ANKFN1: variants seen among roughly 807,000 people sequenced by gnomAD.
The protein encoded by ANKFN1 is ankyrin repeat and fibronectin type III domain containing 1.
A neutral mutation model predicts 108.7 loss-of-function variants in ANKFN1; 74 were observed. The observed-to-expected ratio is 0.68, with a 90% CI of 0.56 to 0.83. ANKFN1 has a LOEUF of 0.83. Among genes scored for constraint, ANKFN1 ranks in the 40% least tolerant of loss-of-function variants. The pLI, the probability that ANKFN1 is intolerant of heterozygous loss-of-function variation, is 0.00. For missense variants in ANKFN1, 1,505 were observed against 1,382.3 expected (o/e 1.09, Z -1.41); for synonymous variants, 547 against 516.2 (o/e 1.06, Z -0.81).
intron 11 of ANKFN1, among the ~76,000 whole-genome samples, chr17:56,451,836 C>G (rs2081226410): frequency 6.6e-6 from 1 of 152,190 alleles, no homozygotes; most frequent in African/African-American, 2.4e-5. Flanking sequence ...GGTGACTGTA[C>G]TGTAATGACC....
At chr17:56,468,379 T>A (rs2050204221) in intron 15 of ANKFN1, among the ~76,000 whole-genome samples, 1 of 152,114 alleles carries the variant, frequency 6.6e-6, no homozygotes, top group Non-Finnish European at 1.5e-5. Context: ...GCCTCACACA[T>A]TCTTTTGTGA....
chr17:56,087,364 C>T (rs1296658183), intron 4 of ANKFN1, among the ~76,000 whole-genome samples: 2 of 151,380 alleles, frequency 1.3e-5, no homozygotes, highest in Non-Finnish European at 1.5e-5. Context: ...GATGCCTCAC[C>T]TGACCTTGGA....
upstream of ANKFN1, among the ~76,000 whole-genome samples, chr17:56,148,762 T>A (rs777738269): frequency 2.4e-4 from 37 of 152,262 alleles, no homozygotes; most frequent in Non-Finnish European, 5.0e-4. Context: ...AATTATTTAC[T>A]TTCCTTCAGA....
intron 3 of ANKFN1, among the ~76,000 whole-genome samples, chr17:56,323,705 A>G (rs1009346110): frequency 6.6e-6 from 1 of 152,168 alleles, no homozygotes; most frequent in African/African-American, 2.4e-5. Flanking sequence ...ACTTGAGGTG[A>G]TTTATGTATT....
chr17:56,101,477 G>T (rs1567786974), intron 4 of ANKFN1, among the ~76,000 whole-genome samples: 1 of 152,150 alleles, frequency 6.6e-6, no homozygotes, highest in Non-Finnish European at 1.5e-5. Context: ...TAGGATTAGG[G>T]ACTTCTCAGC....
chr17:56,477,957 A>G (rs2145353173), intron 16 of ANKFN1, among the ~76,000 whole-genome samples: 1 of 152,094 alleles, frequency 6.6e-6, no homozygotes, highest in Non-Finnish European at 1.5e-5. Flanking sequence ...CCTCCCAAGT[A>G]GCTGGGATTA....
At chr17:56,085,615 A>G (rs1461505555) in intron 4 of ANKFN1, among the ~76,000 whole-genome samples, 4 of 151,328 alleles carry the variant, frequency 2.6e-5, no homozygotes, top group Non-Finnish European at 5.9e-5. Flanking sequence ...AATGAATACA[A>G]TGAGGTTCAG....
chr17:56,335,793 C>G (rs2045790626), intron 4 of ANKFN1, among the ~76,000 whole-genome samples: 1 of 151,550 alleles, frequency 6.6e-6, no homozygotes, highest in African/African-American at 2.4e-5. Flanking sequence ...TGTCTTGTGC[C>G]AGTTTTCAAA....
Position 56,153,503 on chromosome 17 carries a change from G to A in ANKFN1, c.-98G>A, listed in dbSNP as rs752452692. ...TTTCAACTCAAGAGCTCAGTCCTGT[G>A]TCTCTCATGGAGGCGTCTCTAACCA... On this transcript the variant is annotated 5_prime_UTR_variant, in exon 1 of 21. Coordinates refer to ENST00000682825, the MANE Select transcript of ANKFN1 (RefSeq NM_001370326.1). The A allele has an allele frequency of 6.2e-7, 1 of 1,614,098 alleles. No homozygotes were observed. The highest frequency in any genetic ancestry group is 8.5e-7 in the Non-Finnish European group (1 of 1,179,954).
intron 2 of ANKFN1, among the ~76,000 whole-genome samples, chr17:56,225,342 C>T (rs186868844): frequency 6.6e-6 from 1 of 152,284 alleles, no homozygotes; most frequent in African/African-American, 2.4e-5. Context: ...ATATTATTAA[C>T]TATTATTATT....
intron 3 of ANKFN1, among the ~76,000 whole-genome samples, chr17:56,253,825 A>G (rs372030265): frequency 6.6e-6 from 1 of 152,172 alleles, no homozygotes; most frequent in African/African-American, 2.4e-5. Flanking sequence ...GCTATCCGGG[A>G]TAACACTTAC....
At chr17:56,492,418 C>A (rs1035106496) in intron 19 of ANKFN1, 65 bp downstream of exon 19, 68 of 679,664 alleles carry the variant, frequency 1.0e-4, no homozygotes, top group Non-Finnish European at 3.3e-5. Flanking sequence ...GGGTGAAAAG[C>A]CAAGCATGGG....
rs556020004 is a variant in ANKFN1, at chr17:56,416,054, A to G, written c.911-24273A>G. 1.4e-4 allele frequency among the ~76,000 whole-genome samples: 22 copies of G among 152,344 alleles called. 1 individual carries two copies. The highest frequency in any genetic ancestry group is 1.3e-4 in the Non-Finnish European group (9 of 68,036). On this transcript the variant is annotated intron_variant, in intron 8 of 20. Coordinates refer to ENST00000682825, the MANE Select transcript of ANKFN1 (RefSeq NM_001370326.1). ...AGACCTCTATCTCTCACCATATACA[A>G]ATCAAATCAAGATGGATTAAAGACT...
intron 3 of ANKFN1, among the ~76,000 whole-genome samples, chr17:56,293,431 GGA>G (rs1788791599): frequency 6.6e-6 from 1 of 152,218 alleles, no homozygotes; most frequent in South Asian, 2.1e-4. Flanking sequence ...CATTTTAAAG[GGA>G]GAGGAGGGTA....
chr17:56,210,687 G>A (rs929041721), intron 1 of ANKFN1, among the ~76,000 whole-genome samples: 13 of 152,174 alleles, frequency 8.5e-5, no homozygotes, highest in Non-Finnish European at 1.3e-4. Context: ...AAAGAAAAGA[G>A]GTTAATTGAC....
At chr17:56,191,961 A>G (rs1478691303) in intron 1 of ANKFN1, among the ~76,000 whole-genome samples, 2 of 151,216 alleles carry the variant, frequency 1.3e-5, no homozygotes, top group South Asian at 2.1e-4. Flanking sequence ...CATTTCATTC[A>G]TTTCATCTTC....
intron 6 of ANKFN1, 137 bp from the exon 7 acceptor site, chr17:56,372,509 T>A: frequency 1.3e-6 from 1 of 747,712 alleles, no homozygotes; most frequent in Non-Finnish European, 2.2e-6. Context: ...AGATACTTGA[T>A]AACAAACACA....
chr17:56,200,711 T>G (rs1913976871), intron 1 of ANKFN1, among the ~76,000 whole-genome samples: 1 of 152,186 alleles, frequency 6.6e-6, no homozygotes, highest in Non-Finnish European at 1.5e-5. Context: ...TGTAGTATAA[T>G]AATCAGGTAC....
chr17:56,128,804 T>C (rs1907093916), intron 4 of ANKFN1, among the ~76,000 whole-genome samples: 1 of 152,188 alleles, frequency 6.6e-6, no homozygotes, highest in South Asian at 2.1e-4. Flanking sequence ...TGGAAACAGT[T>C]CGGGTATAAA....
Sources: allele counts gnomAD v4.1 joint callset (sites outside exome capture counted in the v4.1 genomes callset), GRCh38; gene constraint gnomAD v4.1.1; transcripts MANE v1.5; gene names NCBI Gene and HGNC (gene_info 2026-07-23, HGNC 2026-07-21).